The following TANC2 variants were observed in gnomAD, a reference collection of about 807,000 sequenced individuals.
The protein encoded by TANC2 is protein TANC2.
TANC2 carries 26 observed loss-of-function variants against 210.5 expected under a neutral mutation model. That is an observed-to-expected ratio of 0.12 (90% CI 0.09 to 0.17). The LOEUF is 0.17. Ranked by LOEUF, TANC2 falls within the 10% of genes least tolerant of loss-of-function variation. The pLI is 1.00. For synonymous variants in TANC2, 931 were observed against 967.1 expected, an observed-to-expected ratio of 0.96 and a Z score of 0.69; for missense variants, 2,129 against 2,608.9, an observed-to-expected ratio of 0.82 and a Z score of 4.01.
intron 10 of TANC2, among the ~76,000 whole-genome samples, chr17:63,318,520 A>G (rs1265720665): frequency 6.6e-6 from 1 of 152,184 alleles, no homozygotes; most frequent in Non-Finnish European, 1.5e-5. Context: ...TTCCAGCCCT[A>G]GGTAACCACT....
intron 4 of TANC2, chr17:63,149,080 A>G (rs2039558549): frequency 6.6e-6 from 1 of 152,164 alleles, no homozygotes; most frequent in Admixed American, 6.6e-5. Flanking sequence ...CCTGTGAGCT[A>G]TAAAGATAAC....
intron 9 of TANC2, among the ~76,000 whole-genome samples, chr17:63,299,994 T>C (rs1370679733): frequency 1.3e-5 from 2 of 152,218 alleles, no homozygotes; most frequent in African/African-American, 4.8e-5. Context: ...TTCAGTTTTC[T>C]GCATATGGCT....
intron 9 of TANC2, among the ~76,000 whole-genome samples, chr17:63,311,832 A>C (rs2045136205): frequency 6.6e-6 from 1 of 152,232 alleles, no homozygotes; most frequent in Non-Finnish European, 1.5e-5. Context: ...AAAAGAAGTC[A>C]GAAGTAAAAG....
At chr17:63,226,550 A>C (rs1253614801) in intron 7 of TANC2, among the ~76,000 whole-genome samples, 1 of 152,248 alleles carries the variant, frequency 6.6e-6, no homozygotes, top group Admixed American at 6.5e-5. Context: ...CACGGAGATC[A>C]GCAAACACTG....
At chr17:63,402,760 G>A (rs1426107393) in intron 19 of TANC2, among the ~76,000 whole-genome samples, 1 of 152,228 alleles carries the variant, frequency 6.6e-6, no homozygotes, top group Admixed American at 6.5e-5. Context: ...CTTTTAGGAA[G>A]AAAGTTGGTT....
chr17:63,300,923 A>C (rs2044692723), intron 9 of TANC2, among the ~76,000 whole-genome samples: 1 of 152,186 alleles, frequency 6.6e-6, no homozygotes, highest in Non-Finnish European at 1.5e-5. Context: ...TTTGTCATAA[A>C]TAGCTCTTAT....
At chr17:63,179,827 T>C (rs2040716724) in intron 5 of TANC2, among the ~76,000 whole-genome samples, 1 of 152,174 alleles carries the variant, frequency 6.6e-6, no homozygotes, top group Non-Finnish European at 1.5e-5. Context: ...GTCTCTGTGC[T>C]CTTCCTAGCA....
chr17:63,220,928 C>T (rs1387067423), intron 7 of TANC2, among the ~76,000 whole-genome samples: 4 of 151,316 alleles, frequency 2.6e-5, no homozygotes, highest in Non-Finnish European at 4.4e-5. Context: ...TGTCTTTACC[C>T]TACCCCACAT....
intron 2 of TANC2, among the ~76,000 whole-genome samples, chr17:63,032,498 T>TC (rs1428855024): frequency 1.6e-4 from 25 of 152,090 alleles, no homozygotes; most frequent in African/African-American, 5.3e-4. Flanking sequence ...GTAGGAGCTA[T>TC]TGCAGCAGCA....
chr17:63,077,371 A>G (rs1271073566), intron 3 of TANC2, among the ~76,000 whole-genome samples: 1 of 152,218 alleles, frequency 6.6e-6, no homozygotes, highest in Non-Finnish European at 1.5e-5. Context: ...GATGTGATCC[A>G]TCAAATGAAA....
At chr17:63,008,316 T>C (rs556985291) in intron 1 of TANC2, among the ~76,000 whole-genome samples, 1 of 152,306 alleles carries the variant, frequency 6.6e-6, no homozygotes, top group Non-Finnish European at 1.5e-5. Context: ...GTTATACATA[T>C]GTTAGAACTT....
chr17:63,109,937 CA>C (rs2037970958), intron 4 of TANC2, among the ~76,000 whole-genome samples: 1 of 151,692 alleles, frequency 6.6e-6, no homozygotes, highest in Admixed American at 6.6e-5. Context: ...TCCTGGAAAG[CA>C]GCCATGATGT....
chr17:63,191,624 A>G (rs2145732651), intron 5 of TANC2, among the ~76,000 whole-genome samples: 1 of 151,798 alleles, frequency 6.6e-6, no homozygotes, highest in East Asian at 2.0e-4. Flanking sequence ...CACCACACCC[A>G]GCCAATTTTT....
chr17:63,393,090 AGT>A (rs1156672581), intron 17 of TANC2, among the ~76,000 whole-genome samples: 1 of 152,210 alleles, frequency 6.6e-6, no homozygotes, highest in African/African-American at 2.4e-5. Flanking sequence ...GTGCCTCCTT[AGT>A]CTCCTCCAAC....
chr17:63,132,196 T>C (rs2038942084), intron 4 of TANC2, among the ~76,000 whole-genome samples: 1 of 152,174 alleles, frequency 6.6e-6, no homozygotes, highest in African/African-American at 2.4e-5. Flanking sequence ...CATTCCTCTT[T>C]ACAATATTTT....
intron 2 of TANC2, among the ~76,000 whole-genome samples, chr17:63,038,733 T>G (rs1180186836): frequency 6.6e-6 from 1 of 152,168 alleles, no homozygotes; most frequent in Non-Finnish European, 1.5e-5. Context: ...TTGAGTGAGT[T>G]TCAGTAGTTA....
chr17:63,389,224 G>A, intron 16 of TANC2, 84 bp from the exon 17 acceptor site: 1 of 1,027,938 alleles, frequency 9.7e-7, no homozygotes, highest in Non-Finnish European at 1.4e-6. Context: ...CACTGTTGTA[G>A]AATGTTAGAT....
intron 4 of TANC2, among the ~76,000 whole-genome samples, chr17:63,134,077 T>G (rs974074011): frequency 1.3e-5 from 2 of 152,202 alleles, no homozygotes; most frequent in African/African-American, 4.8e-5. Context: ...TGTTATAATA[T>G]GTATTCCACG....
chr17:63,206,686 C>CTCTATTCTACTTTTTG (rs1325867012), intron 7 of TANC2, among the ~76,000 whole-genome samples: 2 of 152,004 alleles, frequency 1.3e-5, no homozygotes, highest in African/African-American at 4.8e-5. Context: ...ATAGAGAGTA[C>CTCTATTCTACTTTTTG]TGAGTGGGGC....
Sources: gnomAD v4.1 joint callset for allele counts (sites outside exome capture counted in the v4.1 genomes callset) on GRCh38, gnomAD v4.1.1 for gene constraint, MANE v1.5 for transcripts, NCBI Gene and HGNC (gene_info 2026-07-23, HGNC 2026-07-21) for gene names.